The following PTPRN2 variants were observed in gnomAD, a reference collection of about 807,000 sequenced individuals.
The protein encoded by PTPRN2 is receptor-type tyrosine-protein phosphatase N2.
Under a neutral mutation model 118.8 loss-of-function variants are expected in PTPRN2, and 74 were observed. The ratio of observed to expected loss-of-function variants is 0.62; its 90% CI spans 0.52 to 0.76. PTPRN2 has a LOEUF of 0.76. Ranked by LOEUF, PTPRN2 falls within the 30% of genes least tolerant of loss-of-function variation. The pLI, the probability that PTPRN2 is intolerant of heterozygous loss-of-function variation, is 0.00. For missense variants in PTPRN2, 1,481 were observed against 1,394.4 expected (o/e 1.06, Z -0.99); for synonymous variants, 641 against 608.0 (o/e 1.05, Z -0.80).
In PTPRN2 at chr7:158,094,777, G is replaced by A. The variant is rs76216260; in HGVS notation, c.1644-13400C>T. Among the ~76,000 whole-genome samples the A allele has an allele frequency of 5.0e-3, 757 of 152,282 alleles. 23 individuals carry two copies. The East Asian group carries it at 0.093, about 19-fold the overall frequency. The stretch of plus-strand genomic sequence containing the variant: ...CCTCAGCAGCTTGGCCACAGCCTTC[G>A]GTGCTGTAGGACAGGCAGGAAAGGT... On this transcript the variant is annotated intron_variant, in intron 10 of 22. Coordinates refer to ENST00000389418, the MANE Select transcript of PTPRN2 (RefSeq NM_002847.5).
At chr7:157,579,345 C>T (rs763309191) in intron 17 of PTPRN2, among the ~76,000 whole-genome samples, 2 of 152,160 alleles carry the variant, frequency 1.3e-5, no homozygotes, top group Admixed American at 6.5e-5. Flanking sequence ...TTCCTTAGTG[C>T]CCATCCGACA....
chr7:158,559,142 T>G (rs545856820), intron 1 of PTPRN2, among the ~76,000 whole-genome samples: 2 of 152,196 alleles, frequency 1.3e-5, no homozygotes, highest in African/African-American at 4.8e-5. Context: ...TTGGAGGAGA[T>G]TCTTCTCTCA....
intron 12 of PTPRN2, among the ~76,000 whole-genome samples, chr7:157,698,152 G>T (rs1296242477): frequency 1.3e-5 from 2 of 152,234 alleles, no homozygotes; most frequent in Non-Finnish European, 2.9e-5. Flanking sequence ...TGTAAGCAGT[G>T]CAAATGTAAG....
chr7:158,060,319 T>C (rs1444358226), intron 11 of PTPRN2, among the ~76,000 whole-genome samples: 1 of 141,570 alleles, frequency 7.1e-6, no homozygotes, highest in Non-Finnish European at 1.5e-5. Context: ...CTGCACACGG[T>C]GACACATCAG....
intron 14 of PTPRN2, among the ~76,000 whole-genome samples, chr7:157,651,440 T>C (rs796771040): frequency 3.1e-4 from 47 of 152,328 alleles, no homozygotes; most frequent in African/African-American, 1.0e-3. Flanking sequence ...TTAAGTTCTA[T>C]ATTATTTAAG....
At chr7:157,802,049 C>G (rs1385193761) in intron 12 of PTPRN2, among the ~76,000 whole-genome samples, 1 of 152,170 alleles carries the variant, frequency 6.6e-6, no homozygotes, top group African/African-American at 2.4e-5. Flanking sequence ...CCCCGGCGTC[C>G]CTCTCCGACT....
Position 158,509,724 on chromosome 7 carries a change from G to A in PTPRN2, c.113-19939C>T, listed in dbSNP as rs112725225. Among the ~76,000 whole-genome samples the A allele has an allele frequency of 4.9e-4, 75 of 152,348 alleles. No homozygotes were observed. The highest frequency in any genetic ancestry group is 1.7e-3 in the African/African-American group (71 of 41,576). On this transcript the variant is annotated intron_variant, in intron 1 of 22. Coordinates refer to ENST00000389418, the MANE Select transcript of PTPRN2 (RefSeq NM_002847.5). This position sits in a 1 kb window ranked among gnomAD's most constrained non-coding sequence, Gnocchi z 4.4. ...GCGCCCACAGGCAGGTGGCCCAGGGGAGCAGGGCCTGTCCTTTGCCCAGGC... is the reference window on the plus strand; with the variant it reads ...GCGCCCACAGGCAGGTGGCCCAGGGAAGCAGGGCCTGTCCTTTGCCCAGGC...
At position 157,550,050 on chromosome 7, in the gene PTPRN2, G is replaced by A. The variant is rs986464380; in HGVS notation, c.2903-1031C>T. Reference sequence around the variant, plus strand: ...TACCGTGGGCAGGACAGCGCTGGCCGAAGACCTGAGGAGGCCCGGGTGGCC... The same window carrying A: ...TACCGTGGGCAGGACAGCGCTGGCCAAAGACCTGAGGAGGCCCGGGTGGCC... On this transcript the variant is annotated intron_variant, in intron 21 of 22. Coordinates refer to ENST00000389418, the MANE Select transcript of PTPRN2 (RefSeq NM_002847.5). This position sits in a 1 kb window ranked among gnomAD's most constrained non-coding sequence, Gnocchi z 5.2. Among the ~76,000 whole-genome samples, 4 of 152,256 alleles carry A rather than the reference G, an allele frequency of 2.6e-5. No individual in the cohort carries two copies. Among genetic ancestry groups the A allele is most frequent in the African/African-American group, 7.2e-5 (3 of 41,472 alleles).
intron 12 of PTPRN2, among the ~76,000 whole-genome samples, chr7:157,878,537 T>G (rs112338909): frequency 7.2e-5 from 7 of 97,200 alleles, no homozygotes; most frequent in African/African-American, 2.6e-4. Context: ...CCGTGGGGCT[T>G]GACGGGTCAG....
At chr7:158,440,925 AGTGGTGATGGTG>A (rs1816999826) in intron 2 of PTPRN2, among the ~76,000 whole-genome samples, 1 of 116,550 alleles carries the variant, frequency 8.6e-6, no homozygotes, top group African/African-American at 3.8e-5. Context: ...TGGTAGTGAT[AGTGGTGATGGTG>A]GTGGTGATGA....
intron 2 of PTPRN2, among the ~76,000 whole-genome samples, chr7:158,369,990 C>A (rs907934322): frequency 1.3e-5 from 2 of 152,188 alleles, no homozygotes; most frequent in South Asian, 2.1e-4. Context: ...ACACCGAGGG[C>A]AGAACTGTCC....
At chr7:158,035,972 G>A (rs990515717) in intron 11 of PTPRN2, among the ~76,000 whole-genome samples, 1 of 152,172 alleles carries the variant, frequency 6.6e-6, no homozygotes, top group African/African-American at 2.4e-5. Flanking sequence ...CTGACCTGGA[G>A]ATAAAATGAT....
At chr7:157,818,788 T>C (rs1462409037) in intron 12 of PTPRN2, among the ~76,000 whole-genome samples, 1 of 152,160 alleles carries the variant, frequency 6.6e-6, no homozygotes, top group Non-Finnish European at 1.5e-5. Flanking sequence ...TTGTGATTAA[T>C]TAATTCATTA....
intron 1 of PTPRN2, among the ~76,000 whole-genome samples, chr7:158,535,596 C>G (rs977876099): frequency 3.3e-5 from 5 of 152,018 alleles, no homozygotes; most frequent in African/African-American, 1.2e-4. Flanking sequence ...CTGAGGACTT[C>G]TTGTAGCATT....
chr7:158,292,599 AC>A (rs904063592), intron 3 of PTPRN2, among the ~76,000 whole-genome samples: 123 of 152,072 alleles, frequency 8.1e-4, no homozygotes, highest in African/African-American at 2.8e-3. Context: ...GCACTTACGC[AC>A]CCCCAGATGG....
chr7:158,490,928 C>A, intron 1 of PTPRN2, among the ~76,000 whole-genome samples: 1 of 152,222 alleles, frequency 6.6e-6, no homozygotes, highest in East Asian at 1.9e-4. Context: ...TGTTTCCTCC[C>A]ATGCCCTCTG....
intron 22 of PTPRN2, among the ~76,000 whole-genome samples, chr7:157,546,147 C>T (rs749212419): frequency 3.8e-4 from 58 of 152,136 alleles, no homozygotes; most frequent in Non-Finnish European, 7.1e-4. Flanking sequence ...CTCCGGACGC[C>T]CAGTCCAAGA....
intron 2 of PTPRN2, among the ~76,000 whole-genome samples, chr7:158,324,082 G>A (rs187342582): frequency 4.6e-5 from 7 of 150,764 alleles, no homozygotes; most frequent in Non-Finnish European, 7.4e-5. Flanking sequence ...CACACACCCA[G>A]ACACACTAAC....
intron 12 of PTPRN2, among the ~76,000 whole-genome samples, chr7:157,748,765 C>T (rs1422278940): frequency 0.011 from 974 of 92,002 alleles, 3 homozygotes; most frequent in South Asian, 0.016. Flanking sequence ...CTGAGGCCTG[C>T]GTCCCTGAGC....
Sources: allele counts gnomAD v4.1 joint callset (sites outside exome capture counted in the v4.1 genomes callset), GRCh38; gene constraint gnomAD v4.1.1; non-coding constraint Gnocchi (gnomAD v3.1); transcripts MANE v1.5; gene names NCBI Gene and HGNC (gene_info 2026-07-23, HGNC 2026-07-21).